Variants in KHDRBS2 observed in about 807,000 individuals in gnomAD.
KHDRBS2 encodes KH RNA binding domain containing, signal transduction associated 2, also known as KH domain-containing, RNA-binding, signal transduction-associated protein 2.
A neutral mutation model predicts 44.3 loss-of-function variants in KHDRBS2; 26 were observed. The ratio of observed to expected loss-of-function variants is 0.59; its 90% CI spans 0.43 to 0.81. KHDRBS2 has a LOEUF of 0.81. Ranked by LOEUF, KHDRBS2 falls within the 40% of genes least tolerant of loss-of-function variation. The probability of loss-of-function intolerance (pLI) is 0.00; values close to 1 mark genes in which losing one functional copy is unlikely to be tolerated. For missense variants in KHDRBS2, 476 were observed against 433.1 expected, an observed-to-expected ratio of 1.10 and a Z score of -0.88; for synonymous variants, 194 against 151.1, an observed-to-expected ratio of 1.28 and a Z score of -2.08.
intron 4 of KHDRBS2, among the ~76,000 whole-genome samples, chr6:61,946,729 G>A (rs181553725): frequency 3.6e-4 from 55 of 152,280 alleles, no homozygotes; most frequent in Non-Finnish European, 7.1e-4. Flanking sequence ...TAGCATTATG[G>A]AGGAGGAAGT....
At chr6:61,557,966 G>A in the KHDRBS2 span, among the ~76,000 whole-genome samples, 1 of 152,058 alleles carries the variant, frequency 6.6e-6, no homozygotes, top group East Asian at 1.9e-4. Context: ...CTTTGACGCT[G>A]TATCAGTTGT....
intron 6 of KHDRBS2, among the ~76,000 whole-genome samples, chr6:61,878,760 T>C (rs1799801725): frequency 6.6e-6 from 1 of 151,980 alleles, no homozygotes; most frequent in Admixed American, 6.6e-5. Flanking sequence ...GCGCCACTTT[T>C]CGAATCAAAC....
chr6:61,804,341 C>A (rs533142832), intron 6 of KHDRBS2, among the ~76,000 whole-genome samples: 106 of 152,278 alleles, frequency 7.0e-4, no homozygotes, highest in African/African-American at 2.5e-3. Context: ...CAGCCCCATC[C>A]CTGTGGCTTT....
the KHDRBS2 span, among the ~76,000 whole-genome samples, chr6:61,581,966 A>G: frequency 5.3e-4 from 80 of 151,966 alleles, no homozygotes; most frequent in African/African-American, 1.9e-3. Flanking sequence ...ACAAGGGTGT[A>G]AAGGGAAAAT....
chr6:61,733,771 A>C (rs1370253155), intron 6 of KHDRBS2, among the ~76,000 whole-genome samples: 1 of 152,150 alleles, frequency 6.6e-6, no homozygotes, highest in Non-Finnish European at 1.5e-5. Flanking sequence ...TCCAGTTATC[A>C]ATCACTCTGA....
intron 6 of KHDRBS2, among the ~76,000 whole-genome samples, chr6:61,887,132 G>T (rs1801072620): frequency 6.6e-6 from 1 of 152,002 alleles, no homozygotes; most frequent in African/African-American, 2.4e-5. Context: ...CAGAAAAGTG[G>T]ATGCAATTCT....
chr6:62,187,690 T>C (rs960718852), intron 1 of KHDRBS2, among the ~76,000 whole-genome samples: 8 of 152,124 alleles, frequency 5.3e-5, no homozygotes, highest in Non-Finnish European at 1.2e-4. Context: ...TGCTATGGTT[T>C]GGTTTAATTT....
intron 3 of KHDRBS2, among the ~76,000 whole-genome samples, chr6:62,009,046 C>T (rs1025271057): frequency 2.0e-5 from 3 of 152,034 alleles, no homozygotes; most frequent in Non-Finnish European, 2.9e-5. Context: ...GAGGTTGGAA[C>T]AGGTTGAAGG....
At chr6:61,632,728 T>A in the KHDRBS2 span, among the ~76,000 whole-genome samples, 1 of 152,114 alleles carries the variant, frequency 6.6e-6, no homozygotes, top group Non-Finnish European at 1.5e-5. Flanking sequence ...TCTGGCAGGG[T>A]CACTGCACAT....
chr6:62,110,567 G>T (rs1335448803), intron 2 of KHDRBS2, among the ~76,000 whole-genome samples: 1 of 152,066 alleles, frequency 6.6e-6, no homozygotes, highest in Non-Finnish European at 1.5e-5. Flanking sequence ...AAATAATTAT[G>T]TTGAGTGAAA....
intron 6 of KHDRBS2, among the ~76,000 whole-genome samples, chr6:61,887,915 C>T (rs1207911863): frequency 6.6e-6 from 1 of 152,140 alleles, no homozygotes; most frequent in Non-Finnish European, 1.5e-5. Flanking sequence ...TCAAAGATTG[C>T]AGCCAGCAGC....
intron 4 of KHDRBS2, among the ~76,000 whole-genome samples, chr6:61,952,031 T>A (rs1188175038): frequency 6.6e-6 from 1 of 152,094 alleles, no homozygotes; most frequent in African/African-American, 2.4e-5. Flanking sequence ...AGAATAATGA[T>A]GTAACCTCCA....
the KHDRBS2 span, among the ~76,000 whole-genome samples, chr6:61,603,540 C>A: frequency 1.3e-5 from 2 of 152,262 alleles, no homozygotes; most frequent in South Asian, 4.2e-4. Flanking sequence ...TGCCCTGTAG[C>A]CTTTTTATCC....
At chr6:61,954,076 T>C (rs897109361) in intron 4 of KHDRBS2, among the ~76,000 whole-genome samples, 2 of 152,128 alleles carry the variant, frequency 1.3e-5, no homozygotes, top group Non-Finnish European at 2.9e-5. Flanking sequence ...CAGAGAAATA[T>C]TCTGGCAGAG....
chr6:62,096,509 A>G (rs1469153173), intron 2 of KHDRBS2, among the ~76,000 whole-genome samples: 1 of 151,864 alleles, frequency 6.6e-6, no homozygotes, highest in Non-Finnish European at 1.5e-5. Context: ...ATGTGGGGGT[A>G]TAATTGTTCA....
At chr6:62,076,434 T>C (rs978781532) in intron 2 of KHDRBS2, among the ~76,000 whole-genome samples, 3 of 152,016 alleles carry the variant, frequency 2.0e-5, no homozygotes, top group Non-Finnish European at 4.4e-5. Context: ...TAGATGTTCA[T>C]AAAAGGTTCA....
intron 7 of KHDRBS2, among the ~76,000 whole-genome samples, chr6:61,705,330 ATTC>A (rs1201935554): frequency 6.6e-6 from 1 of 151,784 alleles, no homozygotes; most frequent in African/African-American, 2.4e-5. Context: ...TATCTTTAAC[ATTC>A]TTCTACTTCT....
chr6:61,700,774 G>T (rs576732083), intron 7 of KHDRBS2, among the ~76,000 whole-genome samples: 9 of 151,538 alleles, frequency 5.9e-5, no homozygotes, highest in Middle Eastern at 3.4e-3. Flanking sequence ...TGATGATCTA[G>T]TATCTGCAAT....
At chr6:61,874,335 T>C (rs1304993478) in intron 6 of KHDRBS2, among the ~76,000 whole-genome samples, 1 of 152,162 alleles carries the variant, frequency 6.6e-6, no homozygotes, top group African/African-American at 2.4e-5. Context: ...TTAGAACATT[T>C]GTCAACATAG....
Sources: gnomAD v4.1 joint callset for allele counts (sites outside exome capture counted in the v4.1 genomes callset) on GRCh38, gnomAD v4.1.1 for gene constraint, MANE v1.5 for transcripts, NCBI Gene and HGNC (gene_info 2026-07-23, HGNC 2026-07-21) for gene names.